Variants in TMPRSS11B observed in about 807,000 individuals in gnomAD.
TMPRSS11B encodes the protein transmembrane serine protease 11B.
TMPRSS11B carries 53 observed loss-of-function variants against 44.7 expected under a neutral mutation model. The ratio of observed to expected loss-of-function variants is 1.19; its 90% CI spans 0.95 to 1.49. The LOEUF (loss-of-function observed/expected upper bound fraction) is 1.49, where lower values mean the gene tolerates loss of function less well. TMPRSS11B is among the 40% of genes most tolerant of loss of function. The pLI, the probability that TMPRSS11B is intolerant of heterozygous loss-of-function variation, is 0.00. For missense variants in TMPRSS11B, 526 were observed against 494.8 expected (o/e 1.06, Z -0.60); for synonymous variants, 140 against 159.2 (o/e 0.88, Z 0.91).
At chr4:68,230,658 G>T (rs898056145) in intron 7 of TMPRSS11B, among the ~76,000 whole-genome samples, 4 of 152,090 alleles carry the variant, frequency 2.6e-5, no homozygotes, top group Non-Finnish European at 5.9e-5. Flanking sequence ...ACAAGAATTA[G>T]CTGGACATAG....
chr4:68,239,972 A>T (rs538394268), intron 2 of TMPRSS11B, among the ~76,000 whole-genome samples: 2 of 152,354 alleles, frequency 1.3e-5, no homozygotes, highest in Admixed American at 6.5e-5. Context: ...AGCATTGTTA[A>T]GTAAAACGGT....
chr4:68,231,353 A>T lies in TMPRSS11B; in HGVS notation c.536T>A (p.Ile179Asn). ...NCCGRQVANSIITGNKIVNGK... is the reference protein window; with the variant it reads ...NCCGRQVANSNITGNKIVNGK... ...ATTCACAATTTTGTTGCCAGTTATG[A>T]TACTGTTGGCTACTTGTCTCCCACA... Residue 179 changes from isoleucine to asparagine, a missense_variant, in exon 7 of 10, where the codon ATC becomes AAC. Transcript: ENST00000332644. The T allele has an allele frequency of 6.2e-7, 1 of 1,613,688 alleles. No homozygotes were observed. Among genetic ancestry groups the T allele is most frequent in the South Asian group, 1.1e-5 (1 of 91,006 alleles).
chr4:68,236,832 C>T (rs542553728), intron 2 of TMPRSS11B, among the ~76,000 whole-genome samples: 3 of 152,168 alleles, frequency 2.0e-5, no homozygotes, highest in African/African-American at 7.2e-5. Context: ...ATGATATACA[C>T]TGTCTTGCAC....
chr4:68,236,663 C>G (rs1048763764), intron 2 of TMPRSS11B, among the ~76,000 whole-genome samples: 9 of 152,152 alleles, frequency 5.9e-5, no homozygotes, highest in Admixed American at 1.3e-4. Flanking sequence ...CTCAAAACAG[C>G]AATGCCCACA....
intron 8 of TMPRSS11B, 73 bp downstream of exon 8, chr4:68,229,184 T>G: frequency 2.5e-6 from 3 of 1,184,262 alleles, no homozygotes; most frequent in Non-Finnish European, 3.4e-6. Context: ...GAGGGGATGA[T>G]TGATTGATTG....
intron 9 of TMPRSS11B, 131 bp downstream of exon 9, chr4:68,228,611 A>T: frequency 2.2e-6 from 2 of 899,570 alleles, no homozygotes; most frequent in Non-Finnish European, 3.3e-6. Context: ...AAATGGAATT[A>T]ATACATTTTT....
intron 2 of TMPRSS11B, among the ~76,000 whole-genome samples, chr4:68,237,196 T>G (rs1215359073): frequency 3.9e-5 from 6 of 152,062 alleles, no homozygotes; most frequent in Non-Finnish European, 5.9e-5. Context: ...GGTGTTTGGT[T>G]TTCTGTTCCT....
In TMPRSS11B at chr4:68,234,444, A is replaced by T. The variant is rs1719604929; in HGVS notation, c.469+19T>A. 1 of 1,597,818 alleles carries T rather than the reference A, an allele frequency of 6.3e-7. No homozygotes were observed. Among genetic ancestry groups the T allele is most frequent in the African/African-American group, 1.4e-5 (1 of 73,886 alleles). Reference sequence around the variant, plus strand: ...GAAAAAACCTATGTAATAGAAAATAATGGAAATAAGTCAAATACCCATGAG... The same window carrying T: ...GAAAAAACCTATGTAATAGAAAATATTGGAAATAAGTCAAATACCCATGAG... On this transcript the variant is annotated intron_variant, in intron 5 of 9. Coordinates refer to ENST00000332644, the MANE Select transcript of TMPRSS11B (RefSeq NM_182502.3).
intron 9 of TMPRSS11B, 49 bp downstream of exon 9, chr4:68,228,693 C>T (rs760746662): frequency 4.5e-6 from 7 of 1,547,522 alleles, no homozygotes; most frequent in Middle Eastern, 1.7e-4. Context: ...ATAAAAACTT[C>T]CATTTGATTA....
chr4:68,237,669 T>G (rs1449819067), intron 2 of TMPRSS11B, among the ~76,000 whole-genome samples: 1 of 152,140 alleles, frequency 6.6e-6, no homozygotes, highest in Non-Finnish European at 1.5e-5. Context: ...AAATATAAAC[T>G]GCTTCACGTG....
intron 1 of TMPRSS11B, among the ~76,000 whole-genome samples, chr4:68,242,519 T>A (rs1719889435): frequency 6.9e-6 from 1 of 145,064 alleles, no homozygotes; most frequent in South Asian, 2.1e-4. Flanking sequence ...AGATTTTTTG[T>A]TTACTTTTAA....
intron 9 of TMPRSS11B, 34 bp from the exon 10 acceptor site, chr4:68,228,106 T>C (rs1192523874): frequency 1.9e-6 from 3 of 1,552,134 alleles, no homozygotes; most frequent in East Asian, 2.3e-5. Context: ...GTTTCTTGTC[T>C]TAACAAAAAA....
At chr4:68,232,315 G>C (rs1274454495) in intron 6 of TMPRSS11B, 63 bp downstream of exon 6, 6 of 1,481,884 alleles carry the variant, frequency 4.0e-6, no homozygotes, top group Non-Finnish European at 4.6e-6. Context: ...ATTTTTAATA[G>C]AAAAATAATG....
At chr4:68,242,282 TATTATATTATACATA>T (rs1719863372) in intron 1 of TMPRSS11B, among the ~76,000 whole-genome samples, 1 of 78,550 alleles carries the variant, frequency 1.3e-5, no homozygotes, top group Non-Finnish European at 2.3e-5. Context: ...ATATTATATA[TATTATATTATACATA>T]ATATAATATA....
At chr4:68,238,562 A>T (rs1346373636) in intron 2 of TMPRSS11B, among the ~76,000 whole-genome samples, 1 of 18,750 alleles carries the variant, frequency 5.3e-5, no homozygotes, top group Non-Finnish European at 2.9e-4. Flanking sequence ...ATCTCTACTA[A>T]AAAAAAAAAA....
intron 4 of TMPRSS11B, among the ~76,000 whole-genome samples, chr4:68,235,084 T>C (rs1719623627): frequency 6.6e-6 from 1 of 152,174 alleles, no homozygotes; most frequent in African/African-American, 2.4e-5. Context: ...GGTTTTTTTA[T>C]ACATAACCAG....
chr4:68,238,560 TAAA>T (rs5859126), intron 2 of TMPRSS11B, among the ~76,000 whole-genome samples: 13 of 142,010 alleles, frequency 9.2e-5, no homozygotes, highest in Non-Finnish European at 1.5e-4. Flanking sequence ...CCATCTCTAC[TAAA>T]AAAAAAAAAA....
At chr4:68,234,687 T>G in intron 4 of TMPRSS11B, 64 bp from the exon 5 acceptor site, 1 of 1,516,500 alleles carries the variant, frequency 6.6e-7, no homozygotes, top group South Asian at 1.2e-5. Flanking sequence ...TGTGAACACA[T>G]TAAATTTCAC....
At chr4:68,235,572 G>A (rs929440536) in intron 4 of TMPRSS11B, among the ~76,000 whole-genome samples, 1 of 152,132 alleles carries the variant, frequency 6.6e-6, no homozygotes, top group African/African-American at 2.4e-5. Flanking sequence ...CACAGCCATT[G>A]TAAGGATGAT....
Sources: gnomAD v4.1 joint callset for allele counts (sites outside exome capture counted in the v4.1 genomes callset) on GRCh38, gnomAD v4.1.1 for gene constraint, MANE v1.5 for transcripts, NCBI Gene and HGNC (gene_info 2026-07-23, HGNC 2026-07-21) for gene names.